Variants in E2F3 observed in about 807,000 individuals in gnomAD.
E2F3 encodes E2F transcription factor 3, also known as transcription factor E2F3.
A neutral mutation model predicts 44.4 loss-of-function variants in E2F3; 11 were observed. The observed-to-expected ratio is 0.25, with a 90% CI of 0.16 to 0.41. E2F3 has a LOEUF of 0.41. Among genes scored for constraint, E2F3 ranks in the 10% least tolerant of loss-of-function variants. E2F3 has a pLI of 1.00. For missense variants in E2F3, 487 were observed against 583.6 expected (o/e 0.83, Z 1.70); for synonymous variants, 249 against 253.0 (o/e 0.98, Z 0.15).
chr6:20,479,835 T>C lies in E2F3; in HGVS notation c.394-11T>C. ...TGACCGGTGACGAGAGATCGCACTT[T>C]CTTATTACAGGCAAAGCGAAGGCTG... On this transcript the variant is annotated splice_polypyrimidine_tract_variant and intron_variant, in intron 1 of 6. Coordinates refer to ENST00000346618, the MANE Select transcript of E2F3 (RefSeq NM_001949.5). 1.2e-6 allele frequency: 2 copies of C among 1,606,250 alleles called. No individual in the cohort carries two copies. Among genetic ancestry groups the C allele is most frequent in the Non-Finnish European group, 1.7e-6 (2 of 1,175,828 alleles).
At chr6:20,448,921 C>T (rs1761037293) in intron 1 of E2F3, among the ~76,000 whole-genome samples, 1 of 152,142 alleles carries the variant, frequency 6.6e-6, no homozygotes, top group Non-Finnish European at 1.5e-5. Context: ...ATTGAATGAT[C>T]CAGTAAAACT....
At chr6:20,425,645 G>A (rs1274165387) in intron 1 of E2F3, among the ~76,000 whole-genome samples, 2 of 152,006 alleles carry the variant, frequency 1.3e-5, no homozygotes, top group Non-Finnish European at 2.9e-5. Flanking sequence ...CGCCCGCCCC[G>A]CCTCGGCCTC....
intron 1 of E2F3, among the ~76,000 whole-genome samples, chr6:20,450,410 A>G (rs1016445237): frequency 3.3e-5 from 5 of 152,106 alleles, no homozygotes; most frequent in African/African-American, 1.2e-4. Context: ...TATTGGCTGC[A>G]TCACATGTGT....
intron 1 of E2F3, among the ~76,000 whole-genome samples, chr6:20,410,433 T>C (rs1307940999): frequency 1.3e-5 from 2 of 152,176 alleles, no homozygotes; most frequent in African/African-American, 4.8e-5. Context: ...CATTTCCTCA[T>C]CTGTAAATTG....
At chr6:20,477,034 T>C (rs1762067830) in intron 1 of E2F3, among the ~76,000 whole-genome samples, 1 of 152,204 alleles carries the variant, frequency 6.6e-6, no homozygotes, top group African/African-American at 2.4e-5. Context: ...TAATGCTACA[T>C]CTGACCCATT....
chr6:20,402,021 G>C lies in E2F3; in HGVS notation c.-212G>C. Reference sequence around the variant, plus strand: ...CTTGGGGCCCGATATCCGTGCGGCCGGGACCCTCCTCTCTCCAGAGCCCCG... The same window carrying C: ...CTTGGGGCCCGATATCCGTGCGGCCCGGACCCTCCTCTCTCCAGAGCCCCG... On this transcript the variant is annotated 5_prime_UTR_variant, in exon 1 of 7. Coordinates refer to ENST00000346618, the MANE Select transcript of E2F3 (RefSeq NM_001949.5). The surrounding 1 kb of genome is among the most constrained non-coding windows in gnomAD (Gnocchi z 5.6). 1.3e-6 allele frequency: 1 copy of C among 769,720 alleles called. No individual in the cohort carries two copies. The highest frequency in any genetic ancestry group is 1.8e-6 in the Non-Finnish European group (1 of 549,192). The allele number at this position is 769,720 out of a possible 1,614,324, so 47.7% of individuals were successfully genotyped here. A position where few individuals can be genotyped will look rare whatever the true frequency, so the allele number is the denominator to read the frequency against.
At chr6:20,436,043 T>C (rs9368191) in intron 1 of E2F3, among the ~76,000 whole-genome samples, 121,471 of 149,776 alleles carry the variant, frequency 0.81, 51,088 homozygotes, top group East Asian at 0.93. Context: ...TGCAGTGGTG[T>C]GATCTCAGCT....
At chr6:20,481,529 T>C (rs1302110865) in intron 3 of E2F3, 104 bp downstream of exon 3, 1 of 1,004,496 alleles carries the variant, frequency 1.0e-6, no homozygotes, top group Non-Finnish European at 1.5e-6. Context: ...GTTCTTTTCT[T>C]TTCTCTCCTA....
chr6:20,456,343 T>A (rs1354031056), intron 1 of E2F3, among the ~76,000 whole-genome samples: 2 of 152,268 alleles, frequency 1.3e-5, no homozygotes, highest in East Asian at 3.9e-4. Context: ...GGTTCTATTT[T>A]GCAAACTGAC....
intron 1 of E2F3, among the ~76,000 whole-genome samples, chr6:20,416,777 A>G (rs570201306): frequency 1.4e-4 from 21 of 152,080 alleles, no homozygotes; most frequent in Non-Finnish European, 2.9e-4. Context: ...GGTAACATCA[A>G]ATAAGGTGTT....
At chr6:20,403,547 G>A (rs1759382730) in intron 1 of E2F3, 6 of 434,306 alleles carry the variant, frequency 1.4e-5, no homozygotes, top group East Asian at 4.0e-5. Flanking sequence ...GTGCGCGCAG[G>A]ACGCGCCTGT....
intron 1 of E2F3, chr6:20,403,853 G>A: frequency 7.0e-7 from 1 of 1,419,604 alleles, no homozygotes; most frequent in Non-Finnish European, 9.4e-7. Flanking sequence ...GGGACGGCTC[G>A]GGGGCCGCCG....
intron 4 of E2F3, among the ~76,000 whole-genome samples, chr6:20,484,048 G>C (rs1561886158): frequency 6.6e-6 from 1 of 152,218 alleles, no homozygotes; most frequent in Non-Finnish European, 1.5e-5. Context: ...TACAGGGGAA[G>C]AAACCAACAG....
chr6:20,407,730 G>A (rs1430455106), intron 1 of E2F3, among the ~76,000 whole-genome samples: 2 of 152,186 alleles, frequency 1.3e-5, no homozygotes, highest in African/African-American at 4.8e-5. Flanking sequence ...TTTTCTGGCT[G>A]GTTTTCCTAA....
intron 1 of E2F3, among the ~76,000 whole-genome samples, chr6:20,433,454 T>C (rs1354764731): frequency 3.3e-5 from 5 of 152,194 alleles, no homozygotes; most frequent in African/African-American, 1.2e-4. Context: ...AGCGTTTTCT[T>C]CTAGTATGAA....
chr6:20,477,768 C>T lies in E2F3; in HGVS notation c.394-2078C>T, dbSNP rs570746525. Among the ~76,000 whole-genome samples, 3 of 152,236 alleles carry T rather than the reference C, an allele frequency of 2.0e-5. No homozygotes were observed. In the South Asian group the frequency reaches 6.2e-4, roughly 32 times the overall value. On this transcript the variant is annotated intron_variant, in intron 1 of 6. Coordinates refer to ENST00000346618, the MANE Select transcript of E2F3 (RefSeq NM_001949.5). ...GAGAAAATAGATTTACTATTCATTA[C>T]TGGAAGTGGATCATCATAAAATTCA...
intron 1 of E2F3, among the ~76,000 whole-genome samples, chr6:20,462,843 C>T (rs1761560804): frequency 1.0e-5 from 1 of 95,644 alleles, no homozygotes; most frequent in Non-Finnish European, 2.1e-5. Context: ...TTGTTTTGTT[C>T]TCTTTCTCTC....
chr6:20,490,233 G>A lies in E2F3; in HGVS notation c.1201G>A (p.Ala401Thr). The A allele has an allele frequency of 8.7e-6, 14 of 1,614,010 alleles. No individual in the cohort carries two copies. The highest frequency in any genetic ancestry group is 1.3e-5 in the African/African-American group (1 of 75,020). Residue 401 changes from alanine (A) to threonine (T), a missense_variant, in exon 7 of 7, where the codon GCC becomes ACC. Transcript: ENST00000346618. The surrounding 1 kb of genome is among the most constrained non-coding windows in gnomAD (Gnocchi z 4.3). ...SVSMGNLSPL[A>T]SPANLLQQTE... ...TTCTATGGGAAACCTTTCTCCTCTG[G>A]CCTCCCCAGCCAACCTCTTACAGCA...
intron 1 of E2F3, among the ~76,000 whole-genome samples, chr6:20,425,640 G>T (rs867617814): frequency 2.0e-5 from 3 of 151,978 alleles, no homozygotes; most frequent in African/African-American, 7.2e-5. Flanking sequence ...CTGCCCGCCC[G>T]CCCCGCCTCG....
Sources: allele counts gnomAD v4.1 joint callset (sites outside exome capture counted in the v4.1 genomes callset), GRCh38; gene constraint gnomAD v4.1.1; non-coding constraint Gnocchi (gnomAD v3.1); transcripts MANE v1.5; gene names NCBI Gene and HGNC (gene_info 2026-07-23, HGNC 2026-07-21).